Variants in ACER1 observed in about 807,000 individuals in gnomAD.
ACER1 encodes alkaline ceramidase 1, also known as CTB-180A7.3.
Under a neutral mutation model 24.9 loss-of-function variants are expected in ACER1, and 28 were observed. The observed-to-expected ratio is 1.13, with a 90% CI of 0.83 to 1.54. The LOEUF is 1.54. ACER1 is among the 40% of genes most tolerant of loss of function. The pLI, the probability that ACER1 is intolerant of heterozygous loss-of-function variation, is 0.00. For missense variants in ACER1, 352 were observed against 349.3 expected (o/e 1.01, Z -0.06); for synonymous variants, 132 against 131.4 (o/e 1.00, Z -0.03).
chr19:6,333,161 A>G (rs1280841873), intron 1 of ACER1, among the ~76,000 whole-genome samples: 1 of 152,020 alleles, frequency 6.6e-6, no homozygotes, highest in African/African-American at 2.4e-5. Flanking sequence ...GTGCCCTCCA[A>G]GAAGGCACCA....
the ACER1 span, among the ~76,000 whole-genome samples, chr19:6,341,770 A>G: frequency 6.6e-6 from 1 of 152,058 alleles, no homozygotes; most frequent in Middle Eastern, 3.2e-3. Flanking sequence ...CTGGGATTAC[A>G]GGCACCCGCC....
chr19:6,312,014 G>T, intron 3 of ACER1, 135 bp downstream of exon 3: 1 of 1,231,960 alleles, frequency 8.1e-7, no homozygotes, highest in Non-Finnish European at 1.1e-6. Context: ...GAGAAAACCC[G>T]AAGTGGTCAG....
intron 1 of ACER1, among the ~76,000 whole-genome samples, chr19:6,326,968 C>T (rs572939426): frequency 1.8e-4 from 28 of 152,340 alleles, no homozygotes; most frequent in African/African-American, 6.5e-4. Context: ...TTTCCCTGCT[C>T]TCCTGCTATC....
At chr19:6,357,915 A>T in the ACER1 span, among the ~76,000 whole-genome samples, 1 of 152,152 alleles carries the variant, frequency 6.6e-6, no homozygotes, top group Non-Finnish European at 1.5e-5. Flanking sequence ...AATGGGGAGA[A>T]GTGAAGCTGA....
At chr19:6,327,892 T>C (rs2091668914) in intron 1 of ACER1, among the ~76,000 whole-genome samples, 1 of 149,658 alleles carries the variant, frequency 6.7e-6, no homozygotes, top group South Asian at 2.1e-4. Context: ...CTGGCCAACA[T>C]GGTGAAACCC....
intron 1 of ACER1, among the ~76,000 whole-genome samples, chr19:6,314,776 G>A (rs1014069802): frequency 7.2e-5 from 11 of 152,032 alleles, no homozygotes; most frequent in South Asian, 4.1e-4. Flanking sequence ...ATATACCTGC[G>A]TTCATATGTT....
the ACER1 span, among the ~76,000 whole-genome samples, chr19:6,345,042 T>G: frequency 6.6e-6 from 1 of 152,002 alleles, no homozygotes; most frequent in South Asian, 2.1e-4. Context: ...ATTTTTTGTA[T>G]TTTTAGTAGA....
chr19:6,328,623 A>AT lies in ACER1; in HGVS notation c.93+4835dup, dbSNP rs1271699779. ...CACTTTGGGAAGTGAAGGCACAAGG[A>AT]TTACTTGAGCCCAGCCTGGCAGCAT... On this transcript the variant is annotated intron_variant, in intron 1 of 5. Coordinates refer to ENST00000301452, the MANE Select transcript of ACER1 (RefSeq NM_133492.3). Among the ~76,000 whole-genome samples the AT allele has an allele frequency of 2.0e-5, 3 of 151,518 alleles. No individual in the cohort carries two copies. In the East Asian group the frequency reaches 5.8e-4, roughly 29 times the overall value.
intron 1 of ACER1, among the ~76,000 whole-genome samples, chr19:6,322,138 A>T (rs2145009204): frequency 6.6e-6 from 1 of 152,278 alleles, no homozygotes; most frequent in South Asian, 2.1e-4. Context: ...CATGGGCTAG[A>T]TCACTGGTTT....
chr19:6,310,277 C>T (rs546269648), intron 3 of ACER1, among the ~76,000 whole-genome samples: 252 of 147,138 alleles, frequency 1.7e-3, no homozygotes, highest in Middle Eastern at 0.011. Context: ...TTACTAGAGA[C>T]GGGGTTTCAC....
At chr19:6,325,589 G>T (rs1241133091) in intron 1 of ACER1, among the ~76,000 whole-genome samples, 2 of 152,230 alleles carry the variant, frequency 1.3e-5, no homozygotes, top group Non-Finnish European at 2.9e-5. Context: ...GGAGGCAGAG[G>T]TTGCAGTGAG....
At chr19:6,358,750 A>G in the ACER1 span, among the ~76,000 whole-genome samples, 5 of 151,670 alleles carry the variant, frequency 3.3e-5, no homozygotes, top group Admixed American at 3.3e-4. Flanking sequence ...CCTGACCAAC[A>G]TGGAGAAACC....
intron 1 of ACER1, among the ~76,000 whole-genome samples, chr19:6,315,546 AT>A (rs1318210678): frequency 1.3e-5 from 2 of 151,690 alleles, no homozygotes; most frequent in African/African-American, 2.4e-5. Context: ...CACCTGGCTA[AT>A]TTTTTGTATT....
chr19:6,341,597 T>TTTTTG, the ACER1 span, among the ~76,000 whole-genome samples: 3 of 150,804 alleles, frequency 2.0e-5, no homozygotes, highest in Non-Finnish European at 4.4e-5. Flanking sequence ...ATTGGGCTTT[T>TTTTTG]TTTTGTTTTC....
At chr19:6,332,266 CTTTTTTT>C (rs1199664621) in intron 1 of ACER1, among the ~76,000 whole-genome samples, 1 of 99,788 alleles carries the variant, frequency 1.0e-5, no homozygotes, top group African/African-American at 4.7e-5. Context: ...CGCGCCCGGC[CTTTTTTT>C]TTTTTTTTTT....
At chr19:6,308,828 G>A (rs898107461) in intron 4 of ACER1, among the ~76,000 whole-genome samples, 8 of 152,276 alleles carry the variant, frequency 5.3e-5, no homozygotes, top group Middle Eastern at 3.4e-3. Flanking sequence ...TGGTTGTTGT[G>A]GCTGGTTAGT....
chr19:6,349,894 G>T, the ACER1 span, among the ~76,000 whole-genome samples: 35 of 152,178 alleles, frequency 2.3e-4, no homozygotes, highest in Non-Finnish European at 4.4e-5. Context: ...ACTTTGGGAA[G>T]CCGAGATGGA....
the ACER1 span, among the ~76,000 whole-genome samples, chr19:6,343,462 C>T: frequency 2.0e-5 from 3 of 152,072 alleles, no homozygotes; most frequent in Admixed American, 1.3e-4. Flanking sequence ...CATGTGGCCT[C>T]CATACCCATC....
chr19:6,319,921 G>C (rs2091621674), intron 1 of ACER1, among the ~76,000 whole-genome samples: 1 of 152,014 alleles, frequency 6.6e-6, no homozygotes, highest in Non-Finnish European at 1.5e-5. Context: ...AGACCAGCCT[G>C]GCCGACATGG....
Sources: gnomAD v4.1 joint callset for allele counts (sites outside exome capture counted in the v4.1 genomes callset) on GRCh38, gnomAD v4.1.1 for gene constraint, MANE v1.5 for transcripts, NCBI Gene and HGNC (gene_info 2026-07-23, HGNC 2026-07-21) for gene names.